Variants in FTO observed in about 807,000 individuals in gnomAD.
FTO encodes the protein alpha-ketoglutarate-dependent dioxygenase FTO.
FTO carries 47 observed loss-of-function variants against 63.9 expected under a neutral mutation model. The ratio of observed to expected loss-of-function variants is 0.74; its 90% CI spans 0.58 to 0.94. The LOEUF (loss-of-function observed/expected upper bound fraction) is 0.94, where lower values mean the gene tolerates loss of function less well. FTO is among the 40% of genes least tolerant of loss of function. The pLI, the probability that FTO is intolerant of heterozygous loss-of-function variation, is 0.00. For synonymous variants in FTO, 207 were observed against 224.4 expected (o/e 0.92, Z 0.69); for missense variants, 562 against 618.1 (o/e 0.91, Z 0.96).
intron 3 of FTO, among the ~76,000 whole-genome samples, chr16:53,831,168 A>G (rs2079132629): frequency 6.6e-6 from 1 of 152,184 alleles, no homozygotes; most frequent in African/African-American, 2.4e-5. Context: ...ATGAAAAGCT[A>G]GTTTATAATT....
intron 1 of FTO, among the ~76,000 whole-genome samples, chr16:53,752,185 A>G (rs1483277175): frequency 4.6e-5 from 7 of 152,230 alleles, no homozygotes; most frequent in Admixed American, 4.6e-4. Flanking sequence ...AAGACAATTA[A>G]AAGAACAAGG....
chr16:53,867,880 T>C (rs1413133530), intron 4 of FTO, among the ~76,000 whole-genome samples: 1 of 152,174 alleles, frequency 6.6e-6, no homozygotes, highest in Non-Finnish European at 1.5e-5. Context: ...GATGCTCTAC[T>C]ATTAGGTGCA....
At chr16:53,771,121 G>C (rs2077324828) in intron 1 of FTO, among the ~76,000 whole-genome samples, 2 of 152,088 alleles carry the variant, frequency 1.3e-5, no homozygotes, top group Non-Finnish European at 2.9e-5. Context: ...TATAGCAACT[G>C]CTTCTGATGA....
intron 4 of FTO, among the ~76,000 whole-genome samples, chr16:53,846,132 T>C (rs1012167435): frequency 6.6e-6 from 1 of 152,180 alleles, no homozygotes; most frequent in African/African-American, 2.4e-5. Context: ...GTGGCAGGCA[T>C]CTTATGCAGT....
intron 8 of FTO, among the ~76,000 whole-genome samples, chr16:54,032,722 T>A (rs1319564267): frequency 1.3e-5 from 2 of 152,332 alleles, no homozygotes; most frequent in Non-Finnish European, 2.9e-5. Context: ...TGATATAGTT[T>A]AGATACTTGT....
At chr16:53,789,176 G>T (rs1367161777) in intron 1 of FTO, among the ~76,000 whole-genome samples, 2 of 152,160 alleles carry the variant, frequency 1.3e-5, no homozygotes, top group Non-Finnish European at 2.9e-5. Flanking sequence ...GGAACCATTG[G>T]CATAACCTTG....
At chr16:53,819,840 A>G (rs1280566439) in intron 2 of FTO, among the ~76,000 whole-genome samples, 1 of 152,030 alleles carries the variant, frequency 6.6e-6, no homozygotes, top group Non-Finnish European at 1.5e-5. Flanking sequence ...TAGCACCCCA[A>G]AAAGATCTCT....
intron 2 of FTO, among the ~76,000 whole-genome samples, chr16:53,817,575 AT>A (rs58871912): frequency 0.39 from 59,342 of 151,170 alleles, 12,053 homozygotes; most frequent in Middle Eastern, 0.53. Context: ...GAATATTTAA[AT>A]TTTTTTTTTC....
chr16:53,902,501 C>CA (rs1407794784), intron 7 of FTO, among the ~76,000 whole-genome samples: 1 of 152,148 alleles, frequency 6.6e-6, no homozygotes, highest in Non-Finnish European at 1.5e-5. Flanking sequence ...GTGCCAATAG[C>CA]AAAATAAGAT....
chr16:53,738,933 G>C (rs1029963748), intron 1 of FTO, among the ~76,000 whole-genome samples: 1 of 150,594 alleles, frequency 6.6e-6, no homozygotes, highest in Admixed American at 6.6e-5. Context: ...CTCAACCTCC[G>C]GGGCTCAAGC....
intron 8 of FTO, among the ~76,000 whole-genome samples, chr16:54,095,319 C>T (rs1400816083): frequency 3.9e-5 from 6 of 152,144 alleles, no homozygotes; most frequent in South Asian, 2.1e-4. Flanking sequence ...GGATTACAGG[C>T]GTGAGCCACT....
chr16:54,014,850 C>CTTTTTTTT (rs149634902), intron 8 of FTO, among the ~76,000 whole-genome samples: 2 of 102,926 alleles, frequency 1.9e-5, no homozygotes, highest in Non-Finnish European at 1.8e-5. Context: ...CTCTCTCTCT[C>CTTTTTTTT]TTTTTTTTTT....
At chr16:54,048,288 A>G (rs1410476928) in intron 8 of FTO, among the ~76,000 whole-genome samples, 1 of 147,540 alleles carries the variant, frequency 6.8e-6, no homozygotes, top group Non-Finnish European at 1.5e-5. Context: ...CTAAGATTTG[A>G]GTTGCTTGGG....
At chr16:53,979,309 G>C (rs1424152263) in intron 8 of FTO, 2 of 397,968 alleles carry the variant, frequency 5.0e-6, no homozygotes, top group Non-Finnish European at 4.4e-6. Flanking sequence ...ACAAATTACA[G>C]GTTCTTGAAA....
chr16:53,805,649 C>T (rs546912983), intron 1 of FTO, among the ~76,000 whole-genome samples: 2 of 152,126 alleles, frequency 1.3e-5, no homozygotes, highest in South Asian at 2.1e-4. Context: ...GGGTTTTTAC[C>T]ATTTTCCCCA....
chr16:53,963,988 G>C (rs1386623131), intron 8 of FTO, among the ~76,000 whole-genome samples: 1 of 152,140 alleles, frequency 6.6e-6, no homozygotes, highest in East Asian at 1.9e-4. Context: ...CCTGACCTCA[G>C]GTCATCCTCC....
intron 1 of FTO, among the ~76,000 whole-genome samples, chr16:53,722,407 A>T (rs1385693525): frequency 1.3e-5 from 2 of 152,182 alleles, no homozygotes; most frequent in African/African-American, 4.8e-5. Context: ...TTTCTTGTCA[A>T]ATGGAAACAT....
chr16:54,087,370 G>A (rs1207847120), intron 8 of FTO, among the ~76,000 whole-genome samples: 1 of 152,104 alleles, frequency 6.6e-6, no homozygotes, highest in Non-Finnish European at 1.5e-5. Flanking sequence ...TCTTCCCGTC[G>A]CAAGGCTTCA....
intron 1 of FTO, among the ~76,000 whole-genome samples, chr16:53,805,408 T>G (rs1373891390): frequency 1.3e-5 from 2 of 151,770 alleles, no homozygotes; most frequent in African/African-American, 2.4e-5. Flanking sequence ...TAGTTTCTGA[T>G]ATCTAACTTT....
Sources: allele counts gnomAD v4.1 joint callset (sites outside exome capture counted in the v4.1 genomes callset), GRCh38; gene constraint gnomAD v4.1.1; transcripts MANE v1.5; gene names NCBI Gene and HGNC (gene_info 2026-07-23, HGNC 2026-07-21).